RNLS: variants seen among roughly 807,000 people sequenced by gnomAD.
RNLS encodes renalase.
RNLS carries 39 observed loss-of-function variants against 39.8 expected under a neutral mutation model. The ratio of observed to expected loss-of-function variants is 0.98; its 90% confidence interval spans 0.76 to 1.28. RNLS has a LOEUF of 1.28. Among genes scored for constraint, RNLS ranks in the 50% most tolerant of loss-of-function variants. RNLS has a pLI of 0.00. For synonymous variants in RNLS, 147 were observed against 150.7 expected, an observed-to-expected ratio of 0.98 and a Z score of 0.18; for missense variants, 410 against 413.3, an observed-to-expected ratio of 0.99 and a Z score of 0.07.
At chr10:88,202,551 G>A in the RNLS span, among the ~76,000 whole-genome samples, 2 of 152,198 alleles carry the variant, frequency 1.3e-5, no homozygotes, top group Non-Finnish European at 2.9e-5. Flanking sequence ...AGCCCTGGTA[G>A]CCAGGGTCCT....
chr10:88,439,559 T>C (rs1303786805), intron 4 of RNLS, among the ~76,000 whole-genome samples: 2 of 152,228 alleles, frequency 1.3e-5, no homozygotes, highest in Non-Finnish European at 1.5e-5. Flanking sequence ...GGTCAACTTT[T>C]GGCCAAAGAA....
At chr10:88,211,391 C>T in the RNLS span, among the ~76,000 whole-genome samples, 1 of 152,160 alleles carries the variant, frequency 6.6e-6, no homozygotes, top group Non-Finnish European at 1.5e-5. Context: ...CCTCTGTCCT[C>T]AAGAAGTTTA....
At chr10:88,444,485 A>C (rs966395106) in intron 4 of RNLS, among the ~76,000 whole-genome samples, 7 of 152,228 alleles carry the variant, frequency 4.6e-5, no homozygotes, top group African/African-American at 1.7e-4. Context: ...GACTTTGACG[A>C]GTTGAGAGAA....
intron 5 of RNLS, among the ~76,000 whole-genome samples, chr10:88,319,695 G>A (rs1846030294): frequency 6.6e-6 from 1 of 152,004 alleles, no homozygotes; most frequent in Admixed American, 6.6e-5. Context: ...GAATTTCAGA[G>A]CTTGAAATGT....
chr10:88,292,973 C>T (rs374843825), intron 6 of RNLS, among the ~76,000 whole-genome samples: 1 of 152,070 alleles, frequency 6.6e-6, no homozygotes, highest in South Asian at 2.1e-4. Context: ...ATGGCTTGAA[C>T]CAGAGTTGGA....
intron 4 of RNLS, among the ~76,000 whole-genome samples, chr10:88,552,998 G>A (rs1167197359): frequency 6.6e-6 from 1 of 152,076 alleles, no homozygotes; most frequent in Non-Finnish European, 1.5e-5. Context: ...AGGGGGAATA[G>A]GGACTATTAT....
At chr10:88,541,128 T>A (rs1205946681) in intron 4 of RNLS, among the ~76,000 whole-genome samples, 2 of 152,170 alleles carry the variant, frequency 1.3e-5, no homozygotes, top group Non-Finnish European at 2.9e-5. Flanking sequence ...CCATTTCTGT[T>A]ATATAGAAAG....
intron 4 of RNLS, among the ~76,000 whole-genome samples, chr10:88,470,659 A>C (rs1180432925): frequency 1.4e-5 from 2 of 142,582 alleles, no homozygotes; most frequent in East Asian, 2.0e-4. Context: ...TCTGTTGCCC[A>C]GGCTGGAGTG....
chr10:88,183,802 G>A, the RNLS span, among the ~76,000 whole-genome samples: 5,366 of 152,136 alleles, frequency 0.035, 298 homozygotes, highest in African/African-American at 0.12. Flanking sequence ...TGACCAATCA[G>A]GATGTTTCAT....
chr10:88,245,522 G>T, the RNLS span, among the ~76,000 whole-genome samples: 1 of 151,478 alleles, frequency 6.6e-6, no homozygotes, highest in African/African-American at 2.4e-5. Context: ...AGGACTCTGA[G>T]ATTCAAAGAG....
chr10:88,402,086 T>G (rs941319375), intron 4 of RNLS, among the ~76,000 whole-genome samples: 5 of 151,884 alleles, frequency 3.3e-5, no homozygotes, highest in African/African-American at 1.2e-4. Context: ...GAAAGCACAT[T>G]TCAAAGAATG....
At chr10:88,379,353 A>T (rs1851272991) in intron 4 of RNLS, among the ~76,000 whole-genome samples, 1 of 152,218 alleles carries the variant, frequency 6.6e-6, no homozygotes, top group African/African-American at 2.4e-5. Context: ...GTTTAATAAT[A>T]TTTTGAACAA....
At chr10:88,494,151 A>G (rs1160813425) in intron 4 of RNLS, among the ~76,000 whole-genome samples, 1 of 152,176 alleles carries the variant, frequency 6.6e-6, no homozygotes, top group Non-Finnish European at 1.5e-5. Flanking sequence ...GCAAGAGTTG[A>G]GGATATTCAG....
the RNLS span, among the ~76,000 whole-genome samples, chr10:88,232,568 C>T: frequency 3.3e-5 from 5 of 152,276 alleles, no homozygotes; most frequent in African/African-American, 4.8e-5. Flanking sequence ...GGCATGGCAC[C>T]GTGCCCAGCT....
intron 4 of RNLS, among the ~76,000 whole-genome samples, chr10:88,449,114 G>A (rs904462689): frequency 1.3e-5 from 2 of 152,120 alleles, no homozygotes; most frequent in African/African-American, 2.4e-5. Context: ...AAACCTGCAC[G>A]TTGTGCACAT....
chr10:88,547,138 G>A (rs932927372), intron 4 of RNLS, among the ~76,000 whole-genome samples: 1 of 152,168 alleles, frequency 6.6e-6, no homozygotes, highest in African/African-American at 2.4e-5. Context: ...AACACCTTGC[G>A]ATAATCTTCA....
rs972586097 is a variant in RNLS at position 88,398,679 on chromosome 10, A to G, written c.527-35954T>C. Among the ~76,000 whole-genome samples, 16 of 152,146 alleles carry G rather than the reference A, an allele frequency of 1.1e-4. No homozygotes were observed. In the South Asian group the frequency reaches 1.2e-3, roughly 12 times the overall value. ...AGATATGAATGTAAGAGCAAAAACTATAAGACTCTTAGAAGAAAACAGGCA... is the reference window on the plus strand; with the variant it reads ...AGATATGAATGTAAGAGCAAAAACTGTAAGACTCTTAGAAGAAAACAGGCA... On this transcript the variant is annotated intron_variant, in intron 4 of 6. Transcript: ENST00000331772.
chr10:88,199,890 A>G, the RNLS span, among the ~76,000 whole-genome samples: 53 of 152,272 alleles, frequency 3.5e-4, no homozygotes, highest in Non-Finnish European at 1.8e-4. Flanking sequence ...GCATTTTGGG[A>G]AACTAAGGCA....
intron 4 of RNLS, among the ~76,000 whole-genome samples, chr10:88,517,745 G>A (rs1448296239): frequency 1.3e-5 from 2 of 151,818 alleles, no homozygotes; most frequent in East Asian, 3.9e-4. Flanking sequence ...TATAAAAAGT[G>A]AAAAGCGAAA....
Sources: gnomAD v4.1 joint callset for allele counts (sites outside exome capture counted in the v4.1 genomes callset) on GRCh38, gnomAD v4.1.1 for gene constraint, MANE v1.5 for transcripts, NCBI Gene and HGNC (gene_info 2026-07-23, HGNC 2026-07-21) for gene names.